The following NYAP2 variants were observed in gnomAD, a reference collection of about 807,000 sequenced individuals.
NYAP2 encodes the protein neuronal tyrosine-phosphorylated phosphoinositide-3-kinase adapter 2.
A neutral mutation model predicts 50.4 loss-of-function variants in NYAP2; 23 were observed. The observed-to-expected ratio is 0.46, with a 90% CI of 0.33 to 0.65. The LOEUF is 0.65. Among genes scored for constraint, NYAP2 ranks in the 30% least tolerant of loss-of-function variants. The pLI is 0.02. For synonymous variants in NYAP2, 394 were observed against 365.2 expected (o/e 1.08, Z -0.90); for missense variants, 885 against 861.0 (o/e 1.03, Z -0.35).
At chr2:225,610,631 G>A (rs1692865456) in intron 5 of NYAP2, among the ~76,000 whole-genome samples, 1 of 152,146 alleles carries the variant, frequency 6.6e-6, no homozygotes, top group Non-Finnish European at 1.5e-5. Flanking sequence ...CTATGGGATA[G>A]TATAGAATGG....
intron 3 of NYAP2, among the ~76,000 whole-genome samples, chr2:225,454,220 G>A (rs183565143): frequency 6.6e-6 from 1 of 152,104 alleles, no homozygotes; most frequent in African/African-American, 2.4e-5. Context: ...CAGCTATAAT[G>A]CCTGGGAGGC....
intron 3 of NYAP2, among the ~76,000 whole-genome samples, chr2:225,444,141 T>C (rs969631119): frequency 2.6e-5 from 4 of 152,220 alleles, no homozygotes; most frequent in Non-Finnish European, 4.4e-5. Flanking sequence ...TAAATTTAAA[T>C]GGCAGACAAC....
At chr2:225,584,213 G>A (rs1692351983) in intron 5 of NYAP2, among the ~76,000 whole-genome samples, 1 of 152,062 alleles carries the variant, frequency 6.6e-6, no homozygotes, top group South Asian at 2.1e-4. Context: ...AATGAACATA[G>A]ACCCATTATT....
chr2:225,621,467 C>A (rs936044593), intron 5 of NYAP2, among the ~76,000 whole-genome samples: 2 of 151,804 alleles, frequency 1.3e-5, no homozygotes, highest in Non-Finnish European at 2.9e-5. Flanking sequence ...TTGTCGGGGG[C>A]CAAAGGGAGG....
intron 6 of NYAP2, among the ~76,000 whole-genome samples, chr2:225,636,964 A>C (rs1408091432): frequency 6.6e-6 from 1 of 152,200 alleles, no homozygotes; most frequent in African/African-American, 2.4e-5. Flanking sequence ...ACTCATGAGC[A>C]AGACTAAATG....
At chr2:225,589,405 C>A (rs766712628) in intron 5 of NYAP2, among the ~76,000 whole-genome samples, 49 of 150,432 alleles carry the variant, frequency 3.3e-4, no homozygotes, top group South Asian at 1.3e-3. Flanking sequence ...TGTGGTGGCT[C>A]ACTCCTGTAA....
chr2:225,506,388 C>G (rs1690707667), intron 3 of NYAP2, among the ~76,000 whole-genome samples: 1 of 152,178 alleles, frequency 6.6e-6, no homozygotes, highest in Non-Finnish European at 1.5e-5. Flanking sequence ...TGCCAAAAGT[C>G]AAAGCAGATG....
chr2:225,459,523 C>T (rs1284686386), intron 3 of NYAP2, among the ~76,000 whole-genome samples: 1 of 152,108 alleles, frequency 6.6e-6, no homozygotes, highest in African/African-American at 2.4e-5. Flanking sequence ...ATTACTTCAA[C>T]ATACTGAAAC....
chr2:225,416,936 T>C (rs1000658606), intron 3 of NYAP2, among the ~76,000 whole-genome samples: 2 of 152,138 alleles, frequency 1.3e-5, no homozygotes, highest in Non-Finnish European at 2.9e-5. Context: ...CATGGCAAAT[T>C]GAATGATTAA....
chr2:225,641,422 A>ACACACAC (rs1693528964), intron 6 of NYAP2, among the ~76,000 whole-genome samples: 1 of 133,652 alleles, frequency 7.5e-6, no homozygotes, highest in Non-Finnish European at 1.6e-5. Flanking sequence ...CAATCCCTCA[A>ACACACAC]ACACACACAC....
At chr2:225,494,262 C>T (rs981846432) in intron 3 of NYAP2, among the ~76,000 whole-genome samples, 2 of 152,162 alleles carry the variant, frequency 1.3e-5, no homozygotes, top group Non-Finnish European at 2.9e-5. Context: ...CTATGTCTCC[C>T]CACAAAACTG....
intron 3 of NYAP2, among the ~76,000 whole-genome samples, chr2:225,437,206 G>A (rs1347552359): frequency 1.3e-5 from 2 of 151,966 alleles, no homozygotes; most frequent in South Asian, 2.1e-4. Context: ...ACTGGAGCAC[G>A]GGCACATCAC....
At chr2:225,518,245 A>G (rs948556062) in intron 4 of NYAP2, among the ~76,000 whole-genome samples, 2 of 151,856 alleles carry the variant, frequency 1.3e-5, no homozygotes, top group African/African-American at 4.8e-5. Flanking sequence ...TGTAAAATGA[A>G]ATTAGCTAAG....
chr2:225,574,409 G>A (rs1449120869), intron 4 of NYAP2, among the ~76,000 whole-genome samples: 1 of 152,010 alleles, frequency 6.6e-6, no homozygotes, highest in Admixed American at 6.6e-5. Flanking sequence ...GTTGATAAGG[G>A]CTCAATTTTC....
intron 3 of NYAP2, among the ~76,000 whole-genome samples, chr2:225,418,682 A>AT (rs1368279512): frequency 6.6e-6 from 1 of 152,156 alleles, no homozygotes; most frequent in Non-Finnish European, 1.5e-5. Context: ...GATTTCAATG[A>AT]TTTGTTGATA....
At chr2:225,476,932 A>G (rs1690123968) in intron 3 of NYAP2, among the ~76,000 whole-genome samples, 1 of 152,218 alleles carries the variant, frequency 6.6e-6, no homozygotes, top group Admixed American at 6.5e-5. Flanking sequence ...CTATTTAACA[A>G]CTGTCTCATA....
At chr2:225,680,177 G>A in the NYAP2 span, among the ~76,000 whole-genome samples, 10 of 152,258 alleles carry the variant, frequency 6.6e-5, 1 homozygote, top group South Asian at 1.5e-3. Flanking sequence ...AAGTCAAAAC[G>A]TCAGCAGAAG....
chr2:225,520,755 G>A (rs1186137706), intron 4 of NYAP2, among the ~76,000 whole-genome samples: 21 of 152,192 alleles, frequency 1.4e-4, no homozygotes, highest in South Asian at 6.2e-4. Context: ...TGGCGATGCC[G>A]GCTCTTTTTT....
At chr2:225,664,653 G>T in the NYAP2 span, among the ~76,000 whole-genome samples, 3 of 152,128 alleles carry the variant, frequency 2.0e-5, no homozygotes, top group African/African-American at 4.8e-5. Context: ...TGGATCACGA[G>T]GTCAGGAGAT....
Sources: gnomAD v4.1 joint callset for allele counts (sites outside exome capture counted in the v4.1 genomes callset) on GRCh38, gnomAD v4.1.1 for gene constraint, MANE v1.5 for transcripts, NCBI Gene and HGNC (gene_info 2026-07-23, HGNC 2026-07-21) for gene names.